The following ZNF91 variants were observed in gnomAD, a reference collection of about 807,000 sequenced individuals.
ZNF91 encodes the protein zinc finger protein 91 (HPF7, HTF10).
Under a neutral mutation model 12.6 loss-of-function variants are expected in ZNF91, and 7 were observed. The ratio of observed to expected loss-of-function variants is 0.55; its 90% CI spans 0.31 to 1.04. The LOEUF (loss-of-function observed/expected upper bound fraction) is 1.04. Ranked by LOEUF, ZNF91 falls within the 50% of genes least tolerant of loss-of-function variation. ZNF91 has a pLI of 0.05. For synonymous variants in ZNF91, 453 were observed against 462.6 expected (o/e 0.98, Z 0.27); for missense variants, 1,217 against 1,385.4 (o/e 0.88, Z 1.93).
chr19:23,376,009 G>C (rs1363402499), intron 1 of ZNF91, among the ~76,000 whole-genome samples: 1 of 152,170 alleles, frequency 6.6e-6, no homozygotes, highest in African/African-American at 2.4e-5. Flanking sequence ...ATTTTTAATA[G>C]TGATTTTAAG....
rs1004196765 is a variant in ZNF91, at chr19:23,362,415, G to A, written c.564C>T (p.Val188=). The stretch of plus-strand genomic sequence containing the variant: ...TGTGTAAACGGATGCAAAATGACTT[G>A]ACACATTTTTTACATTTGAAGCATT... ...GKKCFKCKKC[V]KSFCIRLHKT... Residue 188 remains valine (V), a synonymous_variant, in exon 4 of 4, where the codon GTC becomes GTT. Transcript: ENST00000300619. The A allele has an allele frequency of 5.0e-6, 8 of 1,613,912 alleles. No homozygotes were observed. Among genetic ancestry groups the A allele is most frequent in the African/African-American group, 1.3e-5 (1 of 75,026 alleles).
downstream of ZNF91, chr19:23,338,353 G>A (rs980201226): frequency 1.3e-5 from 2 of 151,868 alleles, no homozygotes; most frequent in Admixed American, 1.3e-4. Flanking sequence ...AAGAGAATGG[G>A]ATGGCACTTT....
At chr19:23,373,311 T>C (rs1215113518) in intron 3 of ZNF91, among the ~76,000 whole-genome samples, 1 of 144,170 alleles carries the variant, frequency 6.9e-6, no homozygotes, top group African/African-American at 2.5e-5. Context: ...TGAAGACCAG[T>C]AAGTAAAATG....
chr19:23,389,413 A>AC (rs1295367689), intron 1 of ZNF91, among the ~76,000 whole-genome samples: 1 of 152,134 alleles, frequency 6.6e-6, no homozygotes, highest in East Asian at 1.9e-4. Flanking sequence ...AAAAAAAAAA[A>AC]AAAAACACTA....
rs760369368 is a variant in ZNF91, at chr19:23,359,406, G to A, written c.3573C>T (p.Tyr1191=). The change falls in exon 4 of 4, where the codon TAC becomes TAT. Residue 1191 remains tyrosine, a synonymous_variant. Transcript: ENST00000300619. ...ILANTVKPLL[Y] ...CCCGGCTAATTTTTTGTATTTTTTA[G>A]TAGAGAAGGGGTTTCACTGTGTTAG... 8 of 1,084,094 alleles carry A rather than the reference G, an allele frequency of 7.4e-6. No individual in the cohort carries two copies. The African/African-American group carries it at 1.1e-4, about 15-fold the overall frequency. The allele number at this position is 1,084,094 out of a possible 1,614,324, so 67.2% of individuals were successfully genotyped here.
intron 1 of ZNF91, among the ~76,000 whole-genome samples, chr19:23,386,766 A>C (rs1299576313): frequency 2.0e-5 from 3 of 152,206 alleles, no homozygotes; most frequent in Non-Finnish European, 4.4e-5. Context: ...TCATGATGAA[A>C]ATACCAAAAG....
chr19:23,324,091 CTCT>C (rs536918833), intron 1 of ZNF91: 2 of 150,706 alleles, frequency 1.3e-5, no homozygotes, highest in Non-Finnish European at 1.5e-5. Context: ...CCTCCTCCTT[CTCT>C]TCCTTTCCTC....
chr19:23,322,729 CTCT>C (rs141101841), intron 1 of ZNF91, among the ~76,000 whole-genome samples: 22,210 of 137,760 alleles, frequency 0.16, 2,638 homozygotes, highest in Non-Finnish European at 0.19. Flanking sequence ...CTCTCCTCAT[CTCT>C]TCTTCCTCCC....
intron 1 of ZNF91, chr19:23,325,908 CCT>C (rs1967827809): frequency 6.6e-6 from 1 of 152,164 alleles, no homozygotes; most frequent in Non-Finnish European, 1.5e-5. Context: ...CTCTTCCCTC[CCT>C]GTTGTCTACA....
intron 1 of ZNF91, among the ~76,000 whole-genome samples, chr19:23,387,770 T>A (rs1046646692): frequency 6.6e-6 from 1 of 151,380 alleles, no homozygotes; most frequent in African/African-American, 2.4e-5. Flanking sequence ...TAAAACCCCA[T>A]CTCTTCTAAA....
intron 2 of ZNF91, 96 bp from the exon 3 acceptor site, chr19:23,373,933 TAATA>T: frequency 1.5e-6 from 1 of 679,382 alleles, no homozygotes; most frequent in Non-Finnish European, 2.2e-6. Flanking sequence ...TAGAATATTC[TAATA>T]AATTGTCCCA....
chr19:23,384,379 G>A (rs1187422076), intron 1 of ZNF91, among the ~76,000 whole-genome samples: 2 of 152,082 alleles, frequency 1.3e-5, no homozygotes, highest in South Asian at 2.1e-4. Context: ...CGCCCACCAC[G>A]CCGGAACCGC....
intron 1 of ZNF91, among the ~76,000 whole-genome samples, chr19:23,309,524 T>C (rs778270822): frequency 2.0e-5 from 3 of 152,192 alleles, no homozygotes; most frequent in Non-Finnish European, 4.4e-5. Context: ...ACCCAGGTGA[T>C]GTGTCTCTTT....
At chr19:23,377,537 C>T (rs1449674400) in intron 1 of ZNF91, among the ~76,000 whole-genome samples, 1 of 152,080 alleles carries the variant, frequency 6.6e-6, no homozygotes, top group Non-Finnish European at 1.5e-5. Flanking sequence ...TAAACAAGTC[C>T]CCTGTCAGTG....
downstream of ZNF91, among the ~76,000 whole-genome samples, chr19:23,357,011 G>A (rs979989813): frequency 4.6e-5 from 7 of 152,132 alleles, no homozygotes; most frequent in African/African-American, 1.4e-4. Context: ...GGTGGATCAC[G>A]AGGTCAGGAA....
chr19:23,345,385 A>G (rs566945849), intron 3 of ZNF91, among the ~76,000 whole-genome samples: 1 of 152,298 alleles, frequency 6.6e-6, no homozygotes, highest in East Asian at 1.9e-4. Context: ...CACAATACGA[A>G]TTGGATAATG....
At chr19:23,323,746 CTCTT>C (rs201180676) in intron 1 of ZNF91, among the ~76,000 whole-genome samples, 1,136 of 105,952 alleles carry the variant, frequency 0.011, 14 homozygotes, top group African/African-American at 0.056. Context: ...TTCTCCTCTC[CTCTT>C]TTTCTCATTC....
exon 4 of ZNF91, chr19:23,339,049 C>T (rs2145879567): frequency 7.0e-6 from 1 of 143,864 alleles, no homozygotes; most frequent in Admixed American, 6.9e-5. Context: ...TGGAGCAAGA[C>T]TCCGTCTCAA....
chr19:23,374,997 A>G (rs1969454274), intron 1 of ZNF91, among the ~76,000 whole-genome samples: 1 of 152,232 alleles, frequency 6.6e-6, no homozygotes, highest in South Asian at 2.1e-4. Context: ...ATACTTGTCT[A>G]GATGATAAAG....
Sources: allele counts gnomAD v4.1 joint callset (sites outside exome capture counted in the v4.1 genomes callset), GRCh38; gene constraint gnomAD v4.1.1; transcripts MANE v1.5; gene names NCBI Gene and HGNC (gene_info 2026-07-23, HGNC 2026-07-21).